Variants in HIVEP1 observed in about 807,000 individuals in gnomAD.
HIVEP1 encodes zinc finger protein 40.
HIVEP1 carries 36 observed loss-of-function variants against 180.0 expected under a neutral mutation model. The observed-to-expected ratio is 0.20, with a 90% CI of 0.15 to 0.26. The LOEUF is 0.26. Ranked by LOEUF, HIVEP1 falls within the 10% of genes least tolerant of loss-of-function variation. HIVEP1 has a pLI of 1.00. For synonymous variants in HIVEP1, 1,239 were observed against 1,239.0 expected (o/e 1.00, Z 0.00); for missense variants, 3,143 against 3,268.7 (o/e 0.96, Z 0.94).
the HIVEP1 span, among the ~76,000 whole-genome samples, chr6:12,190,550 G>A: frequency 6.6e-6 from 1 of 151,988 alleles, no homozygotes; most frequent in African/African-American, 2.4e-5. Flanking sequence ...CTGCATTATC[G>A]GGCTCCCTCT....
At position 12,018,055 on chromosome 6, in the gene HIVEP1, G is replaced by T. The variant is rs570259037; in HGVS notation, c.40+2387G>T. On this transcript the variant is annotated intron_variant, in intron 2 of 8. Coordinates refer to ENST00000379388, the MANE Select transcript of HIVEP1 (RefSeq NM_002114.4). ...AGGCATGGCGGGCTGCAGGTCCTGA[G>T]CCCTGCCCCACGGGGAAGCAGCTAA... 5.3e-5 allele frequency among the ~76,000 whole-genome samples: 8 copies of T among 152,296 alleles called. No individual in the cohort carries two copies. The East Asian group carries it at 1.6e-3, about 30-fold the overall frequency.
intron 2 of HIVEP1, among the ~76,000 whole-genome samples, chr6:12,059,182 T>C (rs1456640068): frequency 6.6e-6 from 1 of 152,136 alleles, no homozygotes; most frequent in African/African-American, 2.4e-5. Context: ...CTTACAGAAT[T>C]TGATACCACT....
At position 12,119,981 on chromosome 6, in the gene HIVEP1, A is replaced by G. The variant is rs1396311032; in HGVS notation, c.186A>G (p.Ile62Met). ...KIVAENHLKK[I>M]PKSPLRNPLQ... The stretch of plus-strand genomic sequence containing the variant: ...TAGCTGAGAATCACCTGAAAAAAAT[A>G]CCAAAATCCCCACTGAGAAATCCTC... The change falls in exon 4 of 9, where the codon ATA (isoleucine) becomes ATG (methionine). Residue 62 changes from isoleucine to methionine, a missense_variant. Ile to Met is a conservative substitution (Grantham distance 10). Coordinates refer to ENST00000379388, the MANE Select transcript of HIVEP1 (RefSeq NM_002114.4). The G allele has an allele frequency of 1.9e-6, 3 of 1,611,790 alleles. No homozygotes were observed.
At chr6:12,079,166 A>G (rs1347308595) in intron 2 of HIVEP1, among the ~76,000 whole-genome samples, 5 of 152,206 alleles carry the variant, frequency 3.3e-5, no homozygotes, top group South Asian at 2.1e-4. Flanking sequence ...AGTGGGCAAC[A>G]TATTTTGTTG....
intron 2 of HIVEP1, among the ~76,000 whole-genome samples, chr6:12,021,853 C>T (rs1319926465): frequency 3.9e-5 from 6 of 152,006 alleles, no homozygotes; most frequent in Admixed American, 3.3e-4. Context: ...TTAGTAGAGA[C>T]TGGGTTTCAC....
At position 12,120,934 on chromosome 6, in the gene HIVEP1, C is replaced by A; in HGVS notation, c.1139C>A (p.Ala380Asp). 1 of 1,614,130 alleles carries A rather than the reference C, an allele frequency of 6.2e-7. No homozygotes were observed. Among genetic ancestry groups the A allele is most frequent in the South Asian group, 1.1e-5 (1 of 91,084 alleles). Reference protein sequence around the residue: ...PMPIYNSTHVASVVNQSVEQM... With the variant: ...PMPIYNSTHVDSVVNQSVEQM... ...CCAATCTATAATTCAACTCATGTTGCCTCTGTTGTTAATCAAAGCGTAGAG... is the reference window on the plus strand; with the variant it reads ...CCAATCTATAATTCAACTCATGTTGACTCTGTTGTTAATCAAAGCGTAGAG... Residue 380 changes from alanine to aspartate, a missense_variant, in exon 4 of 9, where the codon GCC becomes GAC. Around this residue, in one of 12 missense-constraint regions of HIVEP1, gnomAD observed 306 missense variants for 310.6 expected, o/e 0.99. Coordinates refer to ENST00000379388, the MANE Select transcript of HIVEP1 (RefSeq NM_002114.4).
intron 3 of HIVEP1, 92 bp from the exon 4 acceptor site, chr6:12,119,798 G>T: frequency 2.6e-6 from 2 of 773,394 alleles, no homozygotes; most frequent in Non-Finnish European, 2.1e-6. Flanking sequence ...TTGTCATAAT[G>T]TCCTTATGAT....
chr6:12,170,204 AGAGT>A, the HIVEP1 span, among the ~76,000 whole-genome samples: 1 of 152,146 alleles, frequency 6.6e-6, no homozygotes, highest in African/African-American at 2.4e-5. Flanking sequence ...TTCTAGTAGA[AGAGT>A]AAGTAAGCAA....
At chr6:12,058,366 G>A (rs1349070728) in intron 2 of HIVEP1, among the ~76,000 whole-genome samples, 1 of 152,156 alleles carries the variant, frequency 6.6e-6, no homozygotes, top group African/African-American at 2.4e-5. Flanking sequence ...GAAGTTAAAG[G>A]GGTTGATGAT....
intron 7 of HIVEP1, among the ~76,000 whole-genome samples, chr6:12,144,082 A>C (rs1157910244): frequency 2.6e-5 from 4 of 152,230 alleles, no homozygotes; most frequent in Non-Finnish European, 5.9e-5. Context: ...AGACAATCCT[A>C]AGCAAAAGGA....
At chr6:12,089,320 T>C in intron 3 of HIVEP1, 83 bp downstream of exon 3, 1 of 778,012 alleles carries the variant, frequency 1.3e-6, no homozygotes. Flanking sequence ...CCTTATGAAA[T>C]AAATCAGTAT....
intron 2 of HIVEP1, among the ~76,000 whole-genome samples, chr6:12,047,174 G>T (rs1770195266): frequency 6.6e-6 from 1 of 152,006 alleles, no homozygotes; most frequent in African/African-American, 2.4e-5. Context: ...CATTGTTAAA[G>T]GCATAAAATA....
chr6:12,200,722 G>T, the HIVEP1 span, among the ~76,000 whole-genome samples: 3 of 152,292 alleles, frequency 2.0e-5, no homozygotes, highest in East Asian at 3.9e-4. Flanking sequence ...CAAGCCAAAG[G>T]GAATAAACAG....
At position 12,161,722 on chromosome 6, in the gene HIVEP1, G is replaced by C; in HGVS notation, c.6771G>C (p.Met2257Ile). 6.2e-7 allele frequency: 1 copy of C among 1,614,156 alleles called. No homozygotes were observed. The highest frequency in any genetic ancestry group is 1.1e-5 in the South Asian group (1 of 91,064). Reference sequence around the variant, plus strand: ...TGCCCAGGGCGCTGCTCACCAGAATGACTGTCCTGAGCACAGCACAGTCTG... The same window carrying C: ...TGCCCAGGGCGCTGCTCACCAGAATCACTGTCCTGAGCACAGCACAGTCTG... The part of the protein sequence containing the change: ...DVLPRALLTR[M>I]TVLSTAQSDY... The change falls in exon 8 of 9, where the codon ATG (methionine) becomes ATC (isoleucine). Residue 2257 changes from methionine (M) to isoleucine (I), a missense_variant. Around this residue, in one of 12 missense-constraint regions of HIVEP1, gnomAD observed 595 missense variants for 602.2 expected, o/e 0.99. Transcript: ENST00000379388.
At position 12,152,319 on chromosome 6, in the gene HIVEP1, G is replaced by A. The variant is rs181704720; in HGVS notation, c.6488-9120G>A. ...ATAACAAGTCCTCGTTCTTGTCCTC[G>A]CAGACTTGTTGATCCCAGGCAAGGC... On this transcript the variant is annotated intron_variant, in intron 7 of 8. Coordinates refer to ENST00000379388, the MANE Select transcript of HIVEP1 (RefSeq NM_002114.4). 2.6e-4 allele frequency among the ~76,000 whole-genome samples: 40 copies of A among 152,054 alleles called. 2 individuals are homozygous for A. The highest frequency in any genetic ancestry group is 1.5e-3 in the Admixed American group (23 of 15,288).
chr6:12,108,425 G>A (rs1008189666), intron 3 of HIVEP1, among the ~76,000 whole-genome samples: 2 of 152,324 alleles, frequency 1.3e-5, no homozygotes, highest in Admixed American at 6.5e-5. Context: ...GGGACTGGGC[G>A]CCATGGAGCA....
At chr6:12,065,065 A>G (rs1771482415) in intron 2 of HIVEP1, among the ~76,000 whole-genome samples, 1 of 152,222 alleles carries the variant, frequency 6.6e-6, no homozygotes, top group Non-Finnish European at 1.5e-5. Flanking sequence ...AAAAGACCTA[A>G]ATCATGGTGG....
intron 3 of HIVEP1, among the ~76,000 whole-genome samples, chr6:12,097,306 G>T: frequency 7.0e-6 from 1 of 143,576 alleles, no homozygotes. Context: ...TTGTTGTTGT[G>T]CACCAGCCAT....
At chr6:12,167,648 T>TA (rs1760748914), downstream of HIVEP1, among the ~76,000 whole-genome samples, 1 of 88,484 alleles carries the variant, frequency 1.1e-5, no homozygotes, top group Non-Finnish European at 2.1e-5. Flanking sequence ...TACATATACA[T>TA]ATATATGTTA....
Sources: gnomAD v4.1 joint callset for allele counts (sites outside exome capture counted in the v4.1 genomes callset) on GRCh38, gnomAD v4.1.1 for gene constraint, gnomAD v4.1.1 regional missense constraint, MANE v1.5 for transcripts, NCBI Gene and HGNC (gene_info 2026-07-23, HGNC 2026-07-21) for gene names.